TRDN: variants seen among roughly 807,000 people sequenced by gnomAD.
The protein encoded by TRDN is triadin in skeletal muscle.
Under a neutral mutation model 149.7 loss-of-function variants are expected in TRDN, and 161 were observed. That is an observed-to-expected ratio of 1.08 (90% CI 0.95 to 1.23). The LOEUF is 1.23. TRDN is among the 50% of genes most tolerant of loss of function. TRDN has a pLI of 0.00. For synonymous variants in TRDN, 294 were observed against 250.5 expected (o/e 1.17, Z -1.64); for missense variants, 896 against 823.5 (o/e 1.09, Z -1.08).
intron 38 of TRDN, among the ~76,000 whole-genome samples, chr6:123,230,361 G>A (rs571807992): frequency 1.3e-4 from 19 of 151,930 alleles, no homozygotes; most frequent in African/African-American, 4.3e-4. Flanking sequence ...CATAGGAAGG[G>A]GAACATCACA....
intron 5 of TRDN, among the ~76,000 whole-genome samples, chr6:123,525,667 A>G (rs1250639599): frequency 6.6e-6 from 1 of 151,980 alleles, no homozygotes; most frequent in Non-Finnish European, 1.5e-5. Flanking sequence ...CAAGTAACAA[A>G]CATGCACATG....
chr6:123,531,123 C>T (rs1237824567), intron 4 of TRDN, among the ~76,000 whole-genome samples: 1 of 151,844 alleles, frequency 6.6e-6, no homozygotes, highest in Non-Finnish European at 1.5e-5. Flanking sequence ...TACTTTTTTT[C>T]TAAACATCAG....
rs150007634 is a variant in TRDN, at chr6:123,357,442, G to A, written c.1322-4856C>T. On this transcript the variant is annotated intron_variant, in intron 20 of 40. Coordinates refer to ENST00000334268, the MANE Select transcript of TRDN (RefSeq NM_006073.4). ...TGTTCCTAGAGGAAGTGTAGTTTGA[G>A]CAGAGGATTTCCAGAGAGGAGATAA... is the stretch of plus-strand genomic sequence containing the variant. Among the ~76,000 whole-genome samples the A allele has an allele frequency of 4.9e-3, 739 of 152,194 alleles. 5 individuals are homozygous for A. Among genetic ancestry groups the A allele is most frequent in the African/African-American group, 0.017 (699 of 41,534 alleles).
intron 10 of TRDN, among the ~76,000 whole-genome samples, chr6:123,463,324 C>CA (rs1174978950): frequency 2.1e-5 from 3 of 145,962 alleles, no homozygotes; most frequent in Non-Finnish European, 4.5e-5. Flanking sequence ...GGCAGCAGAG[C>CA]AAGACTCCGT....
chr6:123,509,184 G>C (rs746163106), intron 7 of TRDN, among the ~76,000 whole-genome samples: 4 of 151,848 alleles, frequency 2.6e-5, no homozygotes, highest in Non-Finnish European at 5.9e-5. Flanking sequence ...GTGTGTATGT[G>C]TATGTGTGTG....
chr6:123,458,469 A>G (rs1164787280), intron 10 of TRDN, among the ~76,000 whole-genome samples: 1 of 152,216 alleles, frequency 6.6e-6, no homozygotes, highest in African/African-American at 2.4e-5. Flanking sequence ...CCAAGGAGGA[A>G]GGAAGTCTTC....
At chr6:123,306,897 A>AG (rs1778631489) in intron 24 of TRDN, among the ~76,000 whole-genome samples, 1 of 151,954 alleles carries the variant, frequency 6.6e-6, no homozygotes, top group Non-Finnish European at 1.5e-5. Context: ...GGGGTAAAGA[A>AG]AAAAAAAGAA....
chr6:123,610,492 T>C lies in TRDN; in HGVS notation c.22+26262A>G, dbSNP rs894830606. Among the ~76,000 whole-genome samples the C allele has an allele frequency of 2.0e-5, 3 of 152,192 alleles. No homozygotes were observed. In the South Asian group the frequency reaches 6.2e-4, roughly 31 times the overall value. On this transcript the variant is annotated intron_variant, in intron 1 of 40. Transcript: ENST00000334268. ...ATGTACCAAGCACTCTGCCAGGTGCTTGGGTACAAAAGGTAAGCAATTTTT... is the reference window on the plus strand; with the variant it reads ...ATGTACCAAGCACTCTGCCAGGTGCCTGGGTACAAAAGGTAAGCAATTTTT...
chr6:123,577,136 A>G lies in TRDN; in HGVS notation c.23-6004T>C, dbSNP rs555486073. 1.9e-4 allele frequency among the ~76,000 whole-genome samples: 29 copies of G among 152,226 alleles called. No individual in the cohort carries two copies. In the East Asian group the frequency reaches 5.4e-3, roughly 28 times the overall value. ...ACAAAATACTATAAACTAGGTAGCT[A>G]TCAACAAGAAACATTTATTTCTTAC... On this transcript the variant is annotated intron_variant, in intron 1 of 40. Transcript: ENST00000334268.
intron 1 of TRDN, among the ~76,000 whole-genome samples, chr6:123,587,232 CAG>C (rs1435427909): frequency 1.3e-5 from 2 of 152,168 alleles, no homozygotes; most frequent in African/African-American, 4.8e-5. Flanking sequence ...GACGAATAAT[CAG>C]AGAGGTGTCC....
At chr6:123,263,934 C>T (rs1776853597) in intron 33 of TRDN, among the ~76,000 whole-genome samples, 1 of 151,980 alleles carries the variant, frequency 6.6e-6, no homozygotes, top group African/African-American at 2.4e-5. Flanking sequence ...GTTTTAAGCC[C>T]ACTGTTGAGA....
Position 123,593,872 on chromosome 6 carries a change from G to GT in TRDN, c.23-22741dup, listed in dbSNP as rs1482327284. Among the ~76,000 whole-genome samples the GT allele has an allele frequency of 5.9e-5, 9 of 152,222 alleles. No homozygotes were observed. In the East Asian group the frequency reaches 1.7e-3, roughly 29 times the overall value. On this transcript the variant is annotated intron_variant, in intron 1 of 40. Coordinates refer to ENST00000334268, the MANE Select transcript of TRDN (RefSeq NM_006073.4). ...CATACAATAAAATTATCTTTTAAAA[G>GT]TTTAAGTTAAATGTACACCTAAGGC...
chr6:123,598,967 GGTTTGAATCCTAACTTT>G (rs1399915534), intron 1 of TRDN, among the ~76,000 whole-genome samples: 10 of 152,006 alleles, frequency 6.6e-5, no homozygotes, highest in Non-Finnish European at 1.2e-4. Flanking sequence ...GACAGTGCTG[GGTTTGAATCCTAACTTT>G]GTACTAGCAT....
At chr6:123,366,880 G>A (rs1477929017) in intron 19 of TRDN, among the ~76,000 whole-genome samples, 1 of 152,140 alleles carries the variant, frequency 6.6e-6, no homozygotes, top group African/African-American at 2.4e-5. Flanking sequence ...GGGCTTCTTT[G>A]TTTAGCTTTT....
intron 23 of TRDN, among the ~76,000 whole-genome samples, chr6:123,328,298 T>A (rs1016264280): frequency 6.6e-6 from 1 of 152,200 alleles, no homozygotes. Context: ...CTGGCTGCAA[T>A]GCCAATGCAT....
At chr6:123,294,742 G>A (rs1778135596) in intron 24 of TRDN, among the ~76,000 whole-genome samples, 1 of 152,084 alleles carries the variant, frequency 6.6e-6, no homozygotes, top group African/African-American at 2.4e-5. Context: ...CCTGGGGGTT[G>A]GGAATCCCTG....
chr6:123,289,594 A>G (rs986123432), intron 24 of TRDN, among the ~76,000 whole-genome samples: 2 of 152,160 alleles, frequency 1.3e-5, no homozygotes, highest in African/African-American at 4.8e-5. Context: ...GACAACACTC[A>G]GGAGTTACTG....
At chr6:123,360,242 A>G (rs574722342) in intron 20 of TRDN, among the ~76,000 whole-genome samples, 17 of 152,264 alleles carry the variant, frequency 1.1e-4, no homozygotes, top group African/African-American at 3.6e-4. Flanking sequence ...GGGACACAGG[A>G]TTGAAAAAAC....
chr6:123,219,477 AT>A (rs1442415125), intron 40 of TRDN, among the ~76,000 whole-genome samples: 7 of 151,760 alleles, frequency 4.6e-5, no homozygotes, highest in African/African-American at 1.4e-4. Context: ...CCAGCCATAG[AT>A]TTTTGCAGAA....
Sources: gnomAD v4.1 joint callset for allele counts (sites outside exome capture counted in the v4.1 genomes callset) on GRCh38, gnomAD v4.1.1 for gene constraint, MANE v1.5 for transcripts, NCBI Gene and HGNC (gene_info 2026-07-23, HGNC 2026-07-21) for gene names.